CCDC30: variants seen among roughly 807,000 people sequenced by gnomAD.
CCDC30 encodes coiled-coil domain-containing protein 30.
Under a neutral mutation model 100.2 loss-of-function variants are expected in CCDC30, and 70 were observed. The observed-to-expected ratio is 0.70, with a 90% CI of 0.58 to 0.85. The LOEUF (loss-of-function observed/expected upper bound fraction) is 0.85. Among genes scored for constraint, CCDC30 ranks in the 40% least tolerant of loss-of-function variants. The pLI is 0.00. For missense variants in CCDC30, 652 were observed against 771.2 expected, an observed-to-expected ratio of 0.85 and a Z score of 1.83; for synonymous variants, 233 against 269.5, an observed-to-expected ratio of 0.86 and a Z score of 1.33.
downstream of CCDC30, among the ~76,000 whole-genome samples, chr1:42,656,597 C>G (rs1311266409): frequency 1.3e-5 from 2 of 152,204 alleles, no homozygotes; most frequent in African/African-American, 4.8e-5. Flanking sequence ...CTCCACTGTA[C>G]TCCAGCCTGG....
chr1:42,554,420 G>A (rs1191989606), intron 6 of CCDC30, among the ~76,000 whole-genome samples: 1 of 151,738 alleles, frequency 6.6e-6, no homozygotes, highest in African/African-American at 2.4e-5. Flanking sequence ...TGGGACTATT[G>A]GTATGTACCA....
At chr1:42,545,951 A>G (rs1024762643) in intron 6 of CCDC30, among the ~76,000 whole-genome samples, 1 of 112,638 alleles carries the variant, frequency 8.9e-6, no homozygotes, top group African/African-American at 3.0e-5. Flanking sequence ...TTCAAAATTA[A>G]TAATAATAAT....
At chr1:42,503,533 G>A (rs2148482482) in intron 6 of CCDC30, among the ~76,000 whole-genome samples, 1 of 138,418 alleles carries the variant, frequency 7.2e-6, no homozygotes, top group East Asian at 2.1e-4. Context: ...TTTCTACTTG[G>A]CCAGCGCCAT....
intron 6 of CCDC30, among the ~76,000 whole-genome samples, chr1:42,544,568 G>A (rs1189248396): frequency 2.6e-5 from 4 of 152,240 alleles, no homozygotes; most frequent in African/African-American, 7.2e-5. Context: ...AGGCTGGAGT[G>A]CGGTGGCCTG....
At chr1:42,621,952 C>CTAAAAA (rs1445998319) in intron 11 of CCDC30, among the ~76,000 whole-genome samples, 1 of 152,044 alleles carries the variant, frequency 6.6e-6, no homozygotes. Flanking sequence ...TGGTCTGTTT[C>CTAAAAA]TTTAGTTATT....
chr1:42,566,514 G>A (rs1645609883), intron 7 of CCDC30, 39 bp downstream of exon 11: 2 of 1,552,536 alleles, frequency 1.3e-6, no homozygotes, highest in Admixed American at 1.7e-5. Flanking sequence ...AAGGGTTTCA[G>A]TTGGCCCTGG....
intron 6 of CCDC30, among the ~76,000 whole-genome samples, chr1:42,513,387 T>C (rs1031872796): frequency 6.6e-6 from 1 of 152,102 alleles, no homozygotes; most frequent in African/African-American, 2.4e-5. Flanking sequence ...GTGGGGAAGG[T>C]TTGTCACCCC....
intron 6 of CCDC30, among the ~76,000 whole-genome samples, chr1:42,521,582 TGTGTTGTTCAA>T (rs1644648096): frequency 6.6e-6 from 1 of 152,158 alleles, no homozygotes; most frequent in Admixed American, 6.5e-5. Context: ...GTTGGCTTAT[TGTGTTGTTCAA>T]GTCCTCTATT....
intron 6 of CCDC30, among the ~76,000 whole-genome samples, chr1:42,501,542 A>T (rs1265759590): frequency 6.6e-6 from 1 of 152,130 alleles, no homozygotes; most frequent in Admixed American, 6.5e-5. Flanking sequence ...TGATTTTTAG[A>T]ATTTTCAGCT....
intron 4 of CCDC30, among the ~76,000 whole-genome samples, chr1:42,491,198 C>A (rs1473835202): frequency 1.3e-5 from 2 of 152,084 alleles, no homozygotes; most frequent in Non-Finnish European, 2.9e-5. Flanking sequence ...ATATAAAAGT[C>A]CTAAAAATAC....
chr1:42,506,503 A>C (rs1018707025), intron 6 of CCDC30, among the ~76,000 whole-genome samples: 4 of 152,248 alleles, frequency 2.6e-5, no homozygotes, highest in Admixed American at 2.6e-4. Context: ...TTCAATCTTA[A>C]TTATGATTAA....
At chr1:42,574,527 AT>A (rs1645794620) in intron 7 of CCDC30, among the ~76,000 whole-genome samples, 2 of 152,198 alleles carry the variant, frequency 1.3e-5, no homozygotes, top group South Asian at 4.1e-4. Flanking sequence ...TTTTTCTTTG[AT>A]CAGTCTCACT....
intron 11 of CCDC30, among the ~76,000 whole-genome samples, chr1:42,619,910 T>A (rs1453379877): frequency 6.6e-6 from 1 of 152,232 alleles, no homozygotes; most frequent in Non-Finnish European, 1.5e-5. Flanking sequence ...GTGAAATATT[T>A]TCATTTCCTT....
At chr1:42,609,640 T>C (rs1646578182) in intron 10 of CCDC30, among the ~76,000 whole-genome samples, 1 of 152,196 alleles carries the variant, frequency 6.6e-6, no homozygotes, top group Non-Finnish European at 1.5e-5. Context: ...TAACCCCAAC[T>C]AACCATGGTG....
chr1:42,501,705 T>C (rs1408817915), intron 6 of CCDC30, among the ~76,000 whole-genome samples: 2 of 152,112 alleles, frequency 1.3e-5, no homozygotes, highest in Non-Finnish European at 2.9e-5. Context: ...TCTCTTGGAG[T>C]TTGCTGGAGG....
chr1:42,490,234 G>A lies in CCDC30; in HGVS notation c.241+5G>A. 2 of 1,160,934 alleles carry A rather than the reference G, an allele frequency of 1.7e-6. No individual in the cohort carries two copies. The highest frequency in any genetic ancestry group is 2.2e-6 in the Non-Finnish European group (2 of 921,848). The allele number at this position is 1,160,934 out of a possible 1,614,324, so 71.9% of individuals were successfully genotyped here. A position where few individuals can be genotyped will look rare whatever the true frequency, so the allele number is the denominator to read the frequency against. On this transcript the variant is annotated splice_donor_5th_base_variant and intron_variant, in intron 4 of 16. Coordinates refer to ENST00000668663, the Ensembl canonical transcript of CCDC30. ...TGGTAAAGCTGAAAGAAAATGGTAA[G>A]TCATTCTAGAAGATATGATGATTAT...
chr1:42,460,776 A>G (rs1338433386), upstream of CCDC30, among the ~76,000 whole-genome samples: 13 of 152,232 alleles, frequency 8.5e-5, no homozygotes, highest in Admixed American at 2.0e-4. Flanking sequence ...TAAAATGAGG[A>G]TAATCTCTCT....
chr1:42,506,354 A>G (rs567240266), intron 6 of CCDC30, among the ~76,000 whole-genome samples: 95 of 152,326 alleles, frequency 6.2e-4, no homozygotes, highest in Middle Eastern at 3.4e-3. Context: ...TAAAAGTCCT[A>G]TAGCTTGATT....
At chr1:42,517,380 G>A (rs1156873640) in intron 6 of CCDC30, among the ~76,000 whole-genome samples, 3 of 152,158 alleles carry the variant, frequency 2.0e-5, no homozygotes, top group East Asian at 3.8e-4. Context: ...ACCACACTTG[G>A]CCAGTAGTGT....
Sources: gnomAD v4.1 joint callset for allele counts (sites outside exome capture counted in the v4.1 genomes callset) on GRCh38, gnomAD v4.1.1 for gene constraint, MANE v1.5 for transcripts, NCBI Gene and HGNC (gene_info 2026-07-23, HGNC 2026-07-21) for gene names.